NHLRC3: variants seen among roughly 807,000 people sequenced by gnomAD.
NHLRC3 encodes NHL repeat-containing protein 3.
In NHLRC3, 23 loss-of-function variants were observed where a neutral mutation model predicts 32.0. The observed-to-expected ratio is 0.72, with a 90% confidence interval of 0.52 to 1.02. The LOEUF (loss-of-function observed/expected upper bound fraction) is 1.02. NHLRC3 is among the 50% of genes least tolerant of loss of function. The pLI is 0.00. For missense variants in NHLRC3, 407 were observed against 406.8 expected (o/e 1.00, Z -0.01); for synonymous variants, 159 against 147.9 (o/e 1.08, Z -0.55).
intron 5 of NHLRC3, among the ~76,000 whole-genome samples, chr13:39,046,234 G>A (rs1329128138): frequency 6.6e-6 from 1 of 152,164 alleles, no homozygotes; most frequent in Admixed American, 6.5e-5. Flanking sequence ...CAGGAGAATG[G>A]CGTGTACCCG....
intron 5 of NHLRC3, among the ~76,000 whole-genome samples, chr13:39,045,724 A>G (rs148646386): frequency 6.6e-6 from 1 of 152,320 alleles, no homozygotes; most frequent in East Asian, 1.9e-4. Context: ...CTCTTTAAGA[A>G]AACCTATCCT....
chr13:39,043,124 G>C (rs1871526258), intron 4 of NHLRC3, among the ~76,000 whole-genome samples: 1 of 152,158 alleles, frequency 6.6e-6, no homozygotes, highest in African/African-American at 2.4e-5. Flanking sequence ...TCTGTCATTT[G>C]GAGGCTGTGT....
intron 3 of NHLRC3, chr13:39,041,569 T>G (rs898026716): frequency 6.6e-6 from 1 of 152,564 alleles, no homozygotes; most frequent in Non-Finnish European, 1.5e-5. Context: ...CAAAGATTAT[T>G]TTCTTCTTAG....
chr13:39,042,084 T>G (rs759568178), intron 3 of NHLRC3, 21 bp from the exon 4 acceptor site: 1 of 1,368,734 alleles, frequency 7.3e-7, no homozygotes, highest in East Asian at 2.3e-5. Flanking sequence ...ATTTGTGAGA[T>G]GTACATATCT....
rs759528120 is a variant in NHLRC3, at chr13:39,047,743, A to T, written c.861A>T (p.Ala287=). ...TTAGCAGGCTCTCAGTCGTAGCAGC[A>T]CCCCCAGTGGGAAGCATTGGGGAGT... is the stretch of plus-strand genomic sequence containing the variant. ...LNLSRLSVVA[A]PPVGSIGECS... Residue 287 remains alanine, a synonymous_variant, in exon 7 of 7, where the codon GCA becomes GCT. Transcript: ENST00000379600. 2 of 1,613,748 alleles carry T rather than the reference A, an allele frequency of 1.2e-6. No individual in the cohort carries two copies. The highest frequency in any genetic ancestry group is 1.1e-5 in the South Asian group (1 of 91,064).
chr13:39,044,411 G>T (rs961810194), intron 5 of NHLRC3: 1 of 445,606 alleles, frequency 2.2e-6, no homozygotes, highest in Non-Finnish European at 3.9e-6. Flanking sequence ...CTATAGTGAG[G>T]GGGTTCCCCA....
chr13:39,046,988 C>T (rs1871702522), intron 5 of NHLRC3, 52 bp from the exon 6 acceptor site: 2 of 1,121,388 alleles, frequency 1.8e-6, no homozygotes, highest in Admixed American at 1.8e-5. Flanking sequence ...ATTCTTTTCC[C>T]TTTTTTCTTC....
At chr13:39,044,225 ATGTT>A (rs761597398) in intron 5 of NHLRC3, 44 bp downstream of exon 5, 4 of 1,090,286 alleles carry the variant, frequency 3.7e-6, no homozygotes, top group Non-Finnish European at 5.4e-6. Flanking sequence ...GTGTCTGAAT[ATGTT>A]TGTGTGTGTG....
At chr13:39,046,390 T>C (rs914605837) in intron 5 of NHLRC3, among the ~76,000 whole-genome samples, 1 of 152,232 alleles carries the variant, frequency 6.6e-6, no homozygotes, top group Admixed American at 6.5e-5. Context: ...TCATTTAGAA[T>C]GCATCTCACT....
At chr13:39,045,455 T>C (rs1871632445) in intron 5 of NHLRC3, among the ~76,000 whole-genome samples, 1 of 152,228 alleles carries the variant, frequency 6.6e-6, no homozygotes, top group Non-Finnish European at 1.5e-5. Context: ...GTGTCAATTA[T>C]ACAAAATTGT....
At chr13:39,041,649 C>A (rs1285219492) in intron 3 of NHLRC3, 1 of 153,582 alleles carries the variant, frequency 6.5e-6, no homozygotes, top group Non-Finnish European at 1.4e-5. Context: ...AAAATCTGTA[C>A]CATAGAGAAC....
chr13:39,045,818 G>A (rs1871650186), intron 5 of NHLRC3, among the ~76,000 whole-genome samples: 1 of 152,180 alleles, frequency 6.6e-6, no homozygotes, highest in Non-Finnish European at 1.5e-5. Context: ...GGTGTAGTGA[G>A]TTTTGATTTG....
Position 39,047,994 on chromosome 13 carries a change from T to C in NHLRC3, c.*68T>C. On this transcript the variant is annotated 3_prime_UTR_variant, in exon 7 of 7. Coordinates refer to ENST00000379600, the MANE Select transcript of NHLRC3 (RefSeq NM_001012754.4). ...CAATTCACTAAGTGCTTAAAAATGA[T>C]GTTCAAGCACAAGAATTTATTTTTC... 7.9e-7 allele frequency: 1 copy of C among 1,266,550 alleles called. No homozygotes were observed. The highest frequency in any genetic ancestry group is 2.0e-5 in the Admixed American group (1 of 48,948). 78.5% of individuals were successfully genotyped at this position (1,266,550 alleles called of 1,614,324 possible).
chr13:39,038,440 GTCT>G, upstream of NHLRC3: 1 of 597,196 alleles, frequency 1.7e-6, no homozygotes, highest in South Asian at 2.0e-5. Context: ...TCCGGAACTG[GTCT>G]TCTGTGATTT....
chr13:39,048,000 A>T lies in NHLRC3; in HGVS notation c.*74A>T. On this transcript the variant is annotated 3_prime_UTR_variant, in exon 7 of 7. Transcript: ENST00000379600. ...ACTAAGTGCTTAAAAATGATGTTCA[A>T]GCACAAGAATTTATTTTTCTAGTAT... 8.2e-7 allele frequency: 1 copy of T among 1,218,900 alleles called. No homozygotes were observed. Among genetic ancestry groups the T allele is most frequent in the Non-Finnish European group, 1.2e-6 (1 of 866,766 alleles). 75.5% of individuals were successfully genotyped at this position (1,218,900 alleles called of 1,614,324 possible).
chr13:39,038,923 C>A, intron 1 of NHLRC3, 200 bp downstream of exon 1: 1 of 640,036 alleles, frequency 1.6e-6, no homozygotes. Flanking sequence ...TCTTTCCCAA[C>A]TCTTACTACA....
chr13:39,038,684 T>C lies in NHLRC3; in HGVS notation c.45T>C (p.Leu15=). ...GCGTAGCCGGTGCTGGCTTCTTTCTTGCATTTTTGGTTTTGCATTCGCGTT... is the reference window on the plus strand; with the variant it reads ...GCGTAGCCGGTGCTGGCTTCTTTCTCGCATTTTTGGTTTTGCATTCGCGTT... ...WVCVAGAGFF[L]AFLVLHSRFC... Residue 15 remains leucine (L), a synonymous_variant, in exon 1 of 7, where the codon CTT becomes CTC. Transcript: ENST00000379600. 6.2e-7 allele frequency: 1 copy of C among 1,614,186 alleles called. No homozygotes were observed. The highest frequency in any genetic ancestry group is 8.5e-7 in the Non-Finnish European group (1 of 1,180,024).
chr13:39,044,281 A>C, intron 5 of NHLRC3, 100 bp downstream of exon 5: 11 of 832,908 alleles, frequency 1.3e-5, no homozygotes, highest in Non-Finnish European at 2.0e-5. Flanking sequence ...GGGCATGTAT[A>C]TATAGATTGT....
intron 4 of NHLRC3, among the ~76,000 whole-genome samples, chr13:39,043,889 A>G (rs1488200358): frequency 6.6e-6 from 1 of 152,172 alleles, no homozygotes; most frequent in Non-Finnish European, 1.5e-5. Context: ...AAGTAGATTA[A>G]TTCCCTAAAG....
Sources: allele counts gnomAD v4.1 joint callset (sites outside exome capture counted in the v4.1 genomes callset), GRCh38; gene constraint gnomAD v4.1.1; transcripts MANE v1.5; gene names NCBI Gene and HGNC (gene_info 2026-07-23, HGNC 2026-07-21).